Variants in RAPGEF4 observed in about 807,000 individuals in gnomAD.
RAPGEF4 encodes the protein Rap guanine nucleotide exchange factor 4, also known as RAP guanine-nucleotide-exchange factor (GEF) 4.
Under a neutral mutation model 147.9 loss-of-function variants are expected in RAPGEF4, and 66 were observed. The ratio of observed to expected loss-of-function variants is 0.45; its 90% CI spans 0.37 to 0.55. The LOEUF (loss-of-function observed/expected upper bound fraction) is 0.55. Ranked by LOEUF, RAPGEF4 falls within the 20% of genes least tolerant of loss-of-function variation. The pLI is 0.00. For synonymous variants in RAPGEF4, 419 were observed against 442.7 expected (o/e 0.95, Z 0.67); for missense variants, 1,071 against 1,257.3 (o/e 0.85, Z 2.24).
At chr2:172,974,901 T>G (rs1306342252) in intron 10 of RAPGEF4, among the ~76,000 whole-genome samples, 1 of 152,194 alleles carries the variant, frequency 6.6e-6, no homozygotes, top group Non-Finnish European at 1.5e-5. Context: ...TATTTTTGTC[T>G]TATGTCCTGA....
chr2:172,745,673 T>C (rs913205745), intron 1 of RAPGEF4, among the ~76,000 whole-genome samples: 1 of 152,194 alleles, frequency 6.6e-6, no homozygotes, highest in Non-Finnish European at 1.5e-5. Context: ...TCTTTACTAA[T>C]ATAAGCATTT....
At chr2:172,884,515 A>G (rs963367657) in intron 4 of RAPGEF4, among the ~76,000 whole-genome samples, 4 of 152,236 alleles carry the variant, frequency 2.6e-5, no homozygotes, top group Non-Finnish European at 5.9e-5. Flanking sequence ...ACTTGTCAGC[A>G]TAGTGCGTGC....
At chr2:172,908,646 A>T (rs1039679961) in intron 4 of RAPGEF4, among the ~76,000 whole-genome samples, 1 of 152,140 alleles carries the variant, frequency 6.6e-6, no homozygotes, top group African/African-American at 2.4e-5. Context: ...ATTTTTTAGG[A>T]TCCAAAGTCA....
intron 10 of RAPGEF4, among the ~76,000 whole-genome samples, chr2:172,981,424 C>G (rs944787693): frequency 6.6e-6 from 1 of 152,214 alleles, no homozygotes; most frequent in African/African-American, 2.4e-5. Flanking sequence ...GGGCTCTGGC[C>G]GAGAAGGCCT....
At chr2:172,968,563 T>C (rs1480667684) in intron 10 of RAPGEF4, among the ~76,000 whole-genome samples, 1 of 152,154 alleles carries the variant, frequency 6.6e-6, no homozygotes, top group Admixed American at 6.5e-5. Flanking sequence ...TCCCACACCA[T>C]GTGTTTCAAA....
chr2:172,878,659 A>T (rs1199431706), intron 4 of RAPGEF4, among the ~76,000 whole-genome samples: 1 of 152,200 alleles, frequency 6.6e-6, no homozygotes, highest in Admixed American at 6.5e-5. Flanking sequence ...CCTGGATGAG[A>T]AGTCTTATAT....
intron 3 of RAPGEF4, among the ~76,000 whole-genome samples, chr2:172,798,981 G>C (rs1257323080): frequency 6.6e-6 from 1 of 152,156 alleles, no homozygotes; most frequent in Non-Finnish European, 1.5e-5. Context: ...TTTTCCTCTT[G>C]CTGTCTCTCA....
intron 10 of RAPGEF4, among the ~76,000 whole-genome samples, chr2:172,971,040 T>C: frequency 6.6e-6 from 1 of 152,164 alleles, no homozygotes; most frequent in East Asian, 1.9e-4. Flanking sequence ...TTTATAAATC[T>C]AAAAACAAGA....
chr2:172,826,460 A>C (rs1320552164), intron 4 of RAPGEF4, among the ~76,000 whole-genome samples: 1 of 152,222 alleles, frequency 6.6e-6, no homozygotes, highest in Admixed American at 6.5e-5. Context: ...AGCTTTGTTT[A>C]AAGTTTATAG....
Position 172,844,320 on chromosome 2 carries a change from A to C in RAPGEF4, c.444+29895A>C, listed in dbSNP as rs1031400412. Among the ~76,000 whole-genome samples, 7 of 152,286 alleles carry C rather than the reference A, an allele frequency of 4.6e-5. No homozygotes were observed. In the East Asian group the frequency reaches 1.4e-3, roughly 29 times the overall value. ...AGACTTTGGGCAGAGTCCAGGGTTA[A>C]GCCTCTTCGGCCTCTGGTGGCTTTC... On this transcript the variant is annotated intron_variant, in intron 4 of 30. Coordinates refer to ENST00000397081, the MANE Select transcript of RAPGEF4 (RefSeq NM_007023.4).
chr2:172,991,316 C>T (rs988541792), intron 15 of RAPGEF4, among the ~76,000 whole-genome samples: 5 of 152,108 alleles, frequency 3.3e-5, no homozygotes, highest in African/African-American at 4.8e-5. Context: ...CAGGATTTCG[C>T]GTGAAGTGTT....
chr2:172,829,891 C>T (rs1421428557), intron 4 of RAPGEF4, among the ~76,000 whole-genome samples: 2 of 151,090 alleles, frequency 1.3e-5, no homozygotes, highest in African/African-American at 4.9e-5. Flanking sequence ...TGCTTTTTAC[C>T]TGGGATTCTT....
intron 1 of RAPGEF4, among the ~76,000 whole-genome samples, chr2:172,764,953 A>G (rs139579272): frequency 6.6e-6 from 1 of 152,148 alleles, no homozygotes. Context: ...ACAAAGTACC[A>G]CAAACTGGGT....
chr2:172,911,201 C>T (rs966756668), intron 4 of RAPGEF4, among the ~76,000 whole-genome samples: 1 of 152,182 alleles, frequency 6.6e-6, no homozygotes, highest in Non-Finnish European at 1.5e-5. Flanking sequence ...TTCTTAGGTA[C>T]AGTTCCCTGA....
chr2:172,751,755 G>A (rs974156679), intron 1 of RAPGEF4, among the ~76,000 whole-genome samples: 9 of 152,172 alleles, frequency 5.9e-5, no homozygotes, highest in South Asian at 2.1e-4. Context: ...AACAGAGGTC[G>A]GGCTGGTTAG....
At chr2:172,737,744 G>A (rs1693937743) in intron 1 of RAPGEF4, among the ~76,000 whole-genome samples, 1 of 151,740 alleles carries the variant, frequency 6.6e-6, no homozygotes, top group African/African-American at 2.4e-5. Flanking sequence ...ACTGAGCCTA[G>A]CATCAGAAGA....
At chr2:172,859,050 A>G (rs1693743255) in intron 4 of RAPGEF4, among the ~76,000 whole-genome samples, 1 of 152,240 alleles carries the variant, frequency 6.6e-6, no homozygotes, top group Non-Finnish European at 1.5e-5. Flanking sequence ...TCTGTATTTT[A>G]TGCCTACATG....
intron 6 of RAPGEF4, among the ~76,000 whole-genome samples, chr2:172,954,324 C>G (rs1465109042): frequency 6.6e-6 from 1 of 152,138 alleles, no homozygotes; most frequent in African/African-American, 2.4e-5. Context: ...TTCTGGGTGG[C>G]AGTTTGCTTT....
intron 6 of RAPGEF4, among the ~76,000 whole-genome samples, chr2:172,928,650 C>G (rs569093393): frequency 4.6e-5 from 7 of 152,280 alleles, no homozygotes; most frequent in African/African-American, 7.2e-5. Flanking sequence ...TTTAAAATCT[C>G]TCTTATGAAA....
Sources: allele counts gnomAD v4.1 joint callset (sites outside exome capture counted in the v4.1 genomes callset), GRCh38; gene constraint gnomAD v4.1.1; transcripts MANE v1.5; gene names NCBI Gene and HGNC (gene_info 2026-07-23, HGNC 2026-07-21).